KCNMA1: variants seen among roughly 807,000 people sequenced by gnomAD.
KCNMA1 encodes the protein Calcium-activated potassium channel subunit alpha-1.
A neutral mutation model predicts 140.0 loss-of-function variants in KCNMA1; 29 were observed. The ratio of observed to expected loss-of-function variants is 0.21; its 90% CI spans 0.15 to 0.28. KCNMA1 has a LOEUF of 0.28. Among genes scored for constraint, KCNMA1 ranks in the 10% least tolerant of loss-of-function variants. The pLI, the probability that KCNMA1 is intolerant of heterozygous loss-of-function variation, is 1.00. For synonymous variants in KCNMA1, 612 were observed against 611.9 expected, an observed-to-expected ratio of 1.00 and a Z score of 0.00; for missense variants, 880 against 1,602.2, an observed-to-expected ratio of 0.55 and a Z score of 7.70.
At chr10:77,335,755 C>A (rs115033500) in intron 2 of KCNMA1, among the ~76,000 whole-genome samples, 2 of 152,146 alleles carry the variant, frequency 1.3e-5, no homozygotes, top group African/African-American at 4.8e-5. Flanking sequence ...GTACCACTAA[C>A]CTCATTTTGC....
At chr10:77,527,959 GGA>G (rs1603633062) in intron 1 of KCNMA1, among the ~76,000 whole-genome samples, 1 of 152,118 alleles carries the variant, frequency 6.6e-6, no homozygotes, top group East Asian at 1.9e-4. Context: ...GGTGTGTTGG[GGA>G]GAGACTGCAC....
intron 1 of KCNMA1, among the ~76,000 whole-genome samples, chr10:77,603,317 C>G (rs970861578): frequency 6.6e-6 from 1 of 152,246 alleles, no homozygotes; most frequent in Middle Eastern, 3.4e-3. Flanking sequence ...TCTCCACCCC[C>G]TCAGCCATGG....
intron 1 of KCNMA1, among the ~76,000 whole-genome samples, chr10:77,538,070 C>A (rs2059324449): frequency 6.6e-6 from 1 of 151,710 alleles, no homozygotes; most frequent in African/African-American, 2.4e-5. Flanking sequence ...CACACACACT[C>A]ACACACATCC....
intron 2 of KCNMA1, among the ~76,000 whole-genome samples, chr10:77,266,714 G>A (rs748362546): frequency 1.3e-5 from 2 of 152,166 alleles, no homozygotes; most frequent in African/African-American, 2.4e-5. Context: ...CCCCAAGGAT[G>A]CTTTAAACAA....
intron 5 of KCNMA1, among the ~76,000 whole-genome samples, chr10:77,159,488 C>T (rs185799686): frequency 6.6e-6 from 1 of 152,284 alleles, no homozygotes; most frequent in African/African-American, 2.4e-5. Context: ...AAAGACATAA[C>T]GAAGTGACCT....
At chr10:76,992,931 G>A (rs1280296496) in intron 19 of KCNMA1, among the ~76,000 whole-genome samples, 1 of 152,222 alleles carries the variant, frequency 6.6e-6, no homozygotes, top group Non-Finnish European at 1.5e-5. Flanking sequence ...AATGGGATGT[G>A]AAGCACTTTA....
intron 1 of KCNMA1, among the ~76,000 whole-genome samples, chr10:77,551,608 G>GA (rs1317735448): frequency 6.6e-6 from 1 of 152,188 alleles, no homozygotes; most frequent in Non-Finnish European, 1.5e-5. Flanking sequence ...CTAGGGCCTG[G>GA]AAAAACACAC....
At chr10:76,960,624 T>G (rs1339192477) in intron 20 of KCNMA1, among the ~76,000 whole-genome samples, 8 of 140,464 alleles carry the variant, frequency 5.7e-5, no homozygotes, top group Middle Eastern at 3.5e-3. Flanking sequence ...TTTTGTTTTT[T>G]TTTTTTTTTT....
At chr10:76,949,556 T>C in intron 21 of KCNMA1, 190 bp from the exon 22 acceptor site, 2 of 622,638 alleles carry the variant, frequency 3.2e-6, no homozygotes, top group Non-Finnish European at 5.7e-6. Context: ...TGTATATGTA[T>C]TATATTTTTG....
At chr10:77,397,888 T>C (rs1164024350) in intron 2 of KCNMA1, among the ~76,000 whole-genome samples, 1 of 152,204 alleles carries the variant, frequency 6.6e-6, no homozygotes, top group South Asian at 2.1e-4. Flanking sequence ...GTTTCTGAGT[T>C]GTTCCACTTA....
At chr10:77,295,067 G>A (rs1164918315) in intron 2 of KCNMA1, among the ~76,000 whole-genome samples, 1 of 152,202 alleles carries the variant, frequency 6.6e-6, no homozygotes, top group Non-Finnish European at 1.5e-5. Context: ...ATAGTGTGAG[G>A]CCGGGTGTGG....
rs752334052 is a variant in KCNMA1, at chr10:77,637,597, CGCCGCCGCCGCTGCT to C, written c.31_45del (p.Ser11_Gly15del). On this transcript the variant is annotated inframe_deletion, in exon 1 of 28. Transcript: ENST00000286628. ...CTAAGACTGCTGCCTCCGCCGCCGC[CGCCGCCGCCGCTGCT>C]GCCGCCGCCGCCGCCGCCACCATTT... The C allele has an allele frequency of 5.9e-6, 9 of 1,526,766 alleles. No homozygotes were observed. The highest frequency in any genetic ancestry group is 1.9e-4 in the Middle Eastern group (1 of 5,374). 94.6% of individuals were successfully genotyped at this position (1,526,766 alleles called of 1,614,324 possible). A position where few individuals can be genotyped will look rare whatever the true frequency, so the allele number is the denominator to read the frequency against.
chr10:77,112,499 G>T (rs2097348870), intron 6 of KCNMA1, 57 bp from the exon 7 acceptor site: 2 of 1,380,082 alleles, frequency 1.4e-6, no homozygotes, highest in Non-Finnish European at 2.1e-6. Flanking sequence ...CCCTGCTGGG[G>T]CTGCCTTACA....
intron 19 of KCNMA1, among the ~76,000 whole-genome samples, chr10:76,984,935 A>C (rs1374789646): frequency 6.6e-6 from 1 of 152,238 alleles, no homozygotes; most frequent in East Asian, 1.9e-4. Flanking sequence ...GAGAAAAGGC[A>C]GAAAGTGAGG....
Position 77,197,341 on chromosome 10 carries a change from T to TACCCA in KCNMA1, c.603-12426_603-12425insTGGGT, listed in dbSNP as rs1197092565. On this transcript the variant is annotated intron_variant, in intron 3 of 27. Transcript: ENST00000286628. ...AAAGGGTATCATCATCCTGGTCACT[T>TACCCA]GGTGCACACCCAGGTGGAGTCAGGA... 2.6e-4 allele frequency among the ~76,000 whole-genome samples: 39 copies of TACCCA among 152,358 alleles called. 1 individual carries two copies. Among genetic ancestry groups the TACCCA allele is most frequent in the African/African-American group, 8.2e-4 (34 of 41,590 alleles).
At chr10:77,110,423 A>G (rs1424407677) in intron 7 of KCNMA1, 80 bp from the exon 8 acceptor site, 7 of 1,267,236 alleles carry the variant, frequency 5.5e-6, no homozygotes, top group Non-Finnish European at 8.1e-6. Flanking sequence ...GAAGCTCGGC[A>G]CTCTCGAAGG....
intron 1 of KCNMA1, among the ~76,000 whole-genome samples, chr10:77,424,334 C>G (rs1008890120): frequency 6.6e-6 from 1 of 152,138 alleles, no homozygotes; most frequent in Admixed American, 6.5e-5. Flanking sequence ...CTTTTCCATC[C>G]TTACAACTAT....
chr10:77,585,909 G>A (rs1289312036), intron 1 of KCNMA1, among the ~76,000 whole-genome samples: 1 of 152,300 alleles, frequency 6.6e-6, no homozygotes, highest in Non-Finnish European at 1.5e-5. Context: ...TTCTGTAGGG[G>A]AGCACTCCAA....
intron 2 of KCNMA1, among the ~76,000 whole-genome samples, chr10:77,266,424 TTC>T (rs1600581867): frequency 6.6e-6 from 1 of 152,302 alleles, no homozygotes; most frequent in East Asian, 1.9e-4. Context: ...ATAATATGAC[TTC>T]TCTTGTGTGC....
Sources: allele counts gnomAD v4.1 joint callset (sites outside exome capture counted in the v4.1 genomes callset), GRCh38; gene constraint gnomAD v4.1.1; transcripts MANE v1.5; gene names NCBI Gene and HGNC (gene_info 2026-07-23, HGNC 2026-07-21).